The following OMD variants were observed in gnomAD, a reference collection of about 807,000 sequenced individuals.
OMD encodes the protein osteomodulin.
Under a neutral mutation model 31.2 loss-of-function variants are expected in OMD, and 19 were observed. The ratio of observed to expected loss-of-function variants is 0.61; its 90% CI spans 0.42 to 0.89. OMD has a LOEUF of 0.89. Among genes scored for constraint, OMD ranks in the 40% least tolerant of loss-of-function variants. The pLI, the probability that OMD is intolerant of heterozygous loss-of-function variation, is 0.00. For missense variants in OMD, 448 were observed against 490.8 expected (o/e 0.91, Z 0.82); for synonymous variants, 155 against 166.4 (o/e 0.93, Z 0.53).
Position 92,417,139 on chromosome 9 carries a change from A to T in OMD, c.420T>A (p.Leu140=). Reference sequence around the variant, plus strand: ...CTAGATGAAGTTGTAGTAGATTTGGAAGCTTAGCAAACACACCATAATCAA... The same window carrying T: ...CTAGATGAAGTTGTAGTAGATTTGGTAGCTTAGCAAACACACCATAATCAA... The part of the protein sequence containing the change: ...QKIDYGVFAK[L]PNLLQLHLEH... Residue 140 remains leucine (L), a synonymous_variant, in exon 2 of 3, where the codon CTT becomes CTA. Coordinates refer to ENST00000375550, the MANE Select transcript of OMD (RefSeq NM_005014.3). 6.2e-7 allele frequency: 1 copy of T among 1,613,816 alleles called. No individual in the cohort carries two copies. Among genetic ancestry groups the T allele is most frequent in the Admixed American group, 1.7e-5 (1 of 60,016 alleles).
chr9:92,415,457 A>G lies in OMD; in HGVS notation c.961T>C (p.Cys321Arg). ...TAATGTAGTGGGTCAATAGAAGGAC[A>G]CATCACTGTAAGATTCATCTCTGAA... ...EIEKMNLTVM[C>R]PSIDPLHYHH... The change falls in exon 3 of 3, where the codon TGT (cysteine) becomes CGT (arginine). Residue 321 changes from cysteine (C) to arginine (R), a missense_variant. Coordinates refer to ENST00000375550, the MANE Select transcript of OMD (RefSeq NM_005014.3). The G allele has an allele frequency of 6.2e-7, 1 of 1,605,232 alleles. No homozygotes were observed. The highest frequency in any genetic ancestry group is 1.7e-4 in the Middle Eastern group (1 of 5,988).
chr9:92,419,316 T>C (rs1343961781), intron 1 of OMD, among the ~76,000 whole-genome samples: 7 of 150,482 alleles, frequency 4.7e-5, no homozygotes, highest in Admixed American at 6.6e-5. Context: ...TTTTTTTTTT[T>C]TTGAGATGGA....
rs767729988 is a variant in OMD at position 92,415,202 on chromosome 9, C to G, written c.1216G>C (p.Glu406Gln). The G allele has an allele frequency of 1.9e-5, 31 of 1,613,672 alleles. No homozygotes were observed. Among genetic ancestry groups the G allele is most frequent in the Non-Finnish European group, 8.5e-7 (1 of 1,179,846 alleles). Residue 406 changes from glutamate to glutamine, a missense_variant, in exon 3 of 3, where the codon GAA becomes CAA. Coordinates refer to ENST00000375550, the MANE Select transcript of OMD (RefSeq NM_005014.3). Reference sequence around the variant, plus strand: ...AGGTCAAAGTGCCCTTCTGCTCCTTCTTGTTCTGGGCTCTCATGAGCATTG... The same window carrying G: ...AGGTCAAAGTGCCCTTCTGCTCCTTGTTGTTCTGGGCTCTCATGAGCATTG... The part of the protein sequence containing the change: ...PDNAHESPEQ[E>Q]GAEGHFDLHY...
Position 92,416,935 on chromosome 9 carries a change from A to C in OMD, c.624T>G (p.Phe208Leu). The C allele has an allele frequency of 6.2e-7, 1 of 1,614,006 alleles. No homozygotes were observed. The highest frequency in any genetic ancestry group is 8.5e-7 in the Non-Finnish European group (1 of 1,179,978). Reference sequence around the variant, plus strand: ...GCTGCATTAGTTTTTCCATTTTGGCAAAGATTTTGTCTTTTAGCAGAGAAT... The same window carrying C: ...GCTGCATTAGTTTTTCCATTTTGGCCAAGATTTTGTCTTTTAGCAGAGAAT... ...LHDSLLKDKI[F>L]AKMEKLMQLN... The change falls in exon 2 of 3, where the codon TTT becomes TTG. Residue 208 changes from phenylalanine (F) to leucine (L), a missense_variant. Transcript: ENST00000375550.
Position 92,415,849 on chromosome 9 carries a change from AT to A in OMD, c.941-373del, listed in dbSNP as rs953431577. On this transcript the variant is annotated intron_variant, in intron 2 of 2. Transcript: ENST00000375550. Reference sequence around the variant, plus strand: ...ACAATTTATACATATATATAAAAAAATATATATATATAAAATTATATATTTC... The same window carrying A: ...ACAATTTATACATATATATAAAAAAAATATATATATAAAATTATATATTTC... 6.8e-4 allele frequency among the ~76,000 whole-genome samples: 99 copies of A among 146,042 alleles called. 1 individual carries two copies. Among genetic ancestry groups the A allele is most frequent in the East Asian group, 3.7e-3 (19 of 5,088 alleles).
rs1245539893 is a variant in OMD at position 92,417,717 on chromosome 9, C to T, written c.-16-143G>A. ...CCAGAAAGAATGGGCAGTGCTCAAA[C>T]CAAAATTTTTTTCTTTTTTTGTGAC... is the stretch of plus-strand genomic sequence containing the variant. On this transcript the variant is annotated intron_variant, in intron 1 of 2. Transcript: ENST00000375550. 4 of 534,010 alleles carry T rather than the reference C, an allele frequency of 7.5e-6. No homozygotes were observed. The Admixed American group carries it at 1.1e-4, about 15-fold the overall frequency. The allele number at this position is 534,010 out of a possible 1,614,324, so 33.1% of individuals were successfully genotyped here. A position where few individuals can be genotyped will look rare whatever the true frequency, so the allele number is the denominator to read the frequency against.
rs1170891004 is a variant in OMD, at chr9:92,417,440, T to C, written c.119A>G (p.Gln40Arg). The C allele has an allele frequency of 6.2e-7, 1 of 1,613,978 alleles. No individual in the cohort carries two copies. The highest frequency in any genetic ancestry group is 8.5e-7 in the Non-Finnish European group (1 of 1,179,980). The change falls in exon 2 of 3, where the codon CAA becomes CGA. Residue 40 changes from glutamine (Q) to arginine (R), a missense_variant. Coordinates refer to ENST00000375550, the MANE Select transcript of OMD (RefSeq NM_005014.3). ...ATTTTGACGAAATGGGAATCCTGTT[T>C]GGTAATCATCATCTGGCTCTTGGTC... ...DYDQEPDDDY[Q>R]TGFPFRQNVD... is the part of the protein sequence containing the mutation.
At chr9:92,418,821 A>C (rs1843697451) in intron 1 of OMD, among the ~76,000 whole-genome samples, 1 of 152,160 alleles carries the variant, frequency 6.6e-6, no homozygotes, top group Non-Finnish European at 1.5e-5. Flanking sequence ...TTTCCTCATG[A>C]AACAGTTTCC....
chr9:92,418,694 T>C (rs1243962410), intron 1 of OMD, among the ~76,000 whole-genome samples: 5 of 152,210 alleles, frequency 3.3e-5, no homozygotes, highest in Admixed American at 6.5e-5. Flanking sequence ...GATACCTTTT[T>C]CTGCCCTTCA....
At position 92,415,564 on chromosome 9, in the gene OMD, T is replaced by A. The variant is rs976771626; in HGVS notation, c.941-87A>T. On this transcript the variant is annotated intron_variant, in intron 2 of 2. Transcript: ENST00000375550. The stretch of plus-strand genomic sequence containing the variant: ...ATTCTATGTTAGATTTTATATTGTA[T>A]GGGATATAATTCTGTTAATTAAAAT... 5.0e-6 allele frequency: 3 copies of A among 594,148 alleles called. 1 individual carries two copies. The South Asian group carries it at 1.5e-4, about 30-fold the overall frequency. 36.8% of individuals were successfully genotyped at this position (594,148 alleles called of 1,614,324 possible). A position where few individuals can be genotyped will look rare whatever the true frequency, so the allele number is the denominator to read the frequency against.
rs774227062 is a variant in OMD at position 92,416,748 on chromosome 9, C to A, written c.811G>T (p.Asp271Tyr). The A allele has an allele frequency of 1.9e-6, 3 of 1,613,478 alleles. No individual in the cohort carries two copies. ...TLRMSHNKLQ[D>Y]IPYNIFNLPN... ...AGATTAAAAATATTATATGGGATGT[C>A]TTGTAGTTTGTTGTGTGACATTCTT... is the stretch of plus-strand genomic sequence containing the variant. Residue 271 changes from aspartate (D) to tyrosine (Y), a missense_variant, in exon 2 of 3, where the codon GAC (aspartate) becomes TAC (tyrosine). Coordinates refer to ENST00000375550, the MANE Select transcript of OMD (RefSeq NM_005014.3).
At position 92,416,058 on chromosome 9, in the gene OMD, G is replaced by GTGTGTGTATATATATATA. The variant is rs6151074; in HGVS notation, c.940+560_940+561insTATATATATATACACACA. Among the ~76,000 whole-genome samples the GTGTGTGTATATATATATA allele has an allele frequency of 2.1e-4, 28 of 130,904 alleles. No homozygotes were observed. In the South Asian group the frequency reaches 2.3e-3, roughly 11 times the overall value. 85.9% of individuals were successfully genotyped at this position (130,904 alleles called of 152,430 possible). ...ATAAATAAATATATTATATATGTGT[G>GTGTGTGTATATATATATA]TATATATATATATTTATTTATTTAT... On this transcript the variant is annotated intron_variant, in intron 2 of 2. Coordinates refer to ENST00000375550, the MANE Select transcript of OMD (RefSeq NM_005014.3).
At chr9:92,421,979 T>A (rs1427579518) in intron 1 of OMD, among the ~76,000 whole-genome samples, 1 of 152,158 alleles carries the variant, frequency 6.6e-6, no homozygotes, top group Non-Finnish European at 1.5e-5. Context: ...ATTCTATACA[T>A]TTTATACTCA....
rs182724023 is a variant in OMD at position 92,413,118 on chromosome 9, G to A, written c.*2034C>T. On this transcript the variant is annotated 3_prime_UTR_variant, in exon 3 of 3. Transcript: ENST00000375550. ...TCCTGCCTCAGCCTCGCAAGTAGCCGGGATTACAGGCATGTGCCACCATGC... is the reference window on the plus strand; with the variant it reads ...TCCTGCCTCAGCCTCGCAAGTAGCCAGGATTACAGGCATGTGCCACCATGC... Among the ~76,000 whole-genome samples the A allele has an allele frequency of 6.0e-5, 9 of 151,172 alleles. No individual in the cohort carries two copies. The highest frequency in any genetic ancestry group is 2.0e-4 in the Admixed American group (3 of 15,124).
chr9:92,418,385 C>T (rs1843685639), intron 1 of OMD, among the ~76,000 whole-genome samples: 1 of 151,652 alleles, frequency 6.6e-6, no homozygotes, highest in African/African-American at 2.4e-5. Flanking sequence ...CTGCGCCTGG[C>T]CGAGATTTTT....
chr9:92,417,686 G>A (rs1194046336), intron 1 of OMD, 112 bp from the exon 2 acceptor site: 4 of 641,156 alleles, frequency 6.2e-6, no homozygotes, highest in Non-Finnish European at 9.8e-6. Context: ...ATATATAAAA[G>A]AATATCCAGA....
chr9:92,418,949 T>G (rs1843701816), intron 1 of OMD, among the ~76,000 whole-genome samples: 1 of 152,174 alleles, frequency 6.6e-6, no homozygotes, highest in Non-Finnish European at 1.5e-5. Context: ...CTAGCTTCCT[T>G]TTTTCCATTA....
At position 92,416,814 on chromosome 9, in the gene OMD, G is replaced by A. The variant is rs574387948; in HGVS notation, c.745C>T (p.Pro249Ser). 3.1e-6 allele frequency: 5 copies of A among 1,613,810 alleles called. No individual in the cohort carries two copies. The South Asian group carries it at 5.5e-5, about 18-fold the overall frequency. Residue 249 changes from proline (P) to serine (S), a missense_variant, in exon 2 of 3, where the codon CCC becomes TCC. Pro to Ser is a moderately conservative substitution (Grantham distance 74). Transcript: ENST00000375550. ...SLENNSISSI[P>S]EKYFDKLPKL... is the part of the protein sequence containing the mutation. Reference sequence around the variant, plus strand: ...GGAAGTTTGTCGAAGTATTTTTCGGGTATAGAAGAAATTGAATTATTTTCT... The same window carrying A: ...GGAAGTTTGTCGAAGTATTTTTCGGATATAGAAGAAATTGAATTATTTTCT...
At position 92,416,863 on chromosome 9, in the gene OMD, A is replaced by AGGC. The variant is rs1843629714; in HGVS notation, c.693_695dup (p.Pro232dup). On this transcript the variant is annotated inframe_insertion, in exon 2 of 3. Transcript: ENST00000375550. ...CTAAAGACAGATACATAAGTGAAGA[A>AGGC]GGCAAACCAGGAGGCATTGATTCTA... is the stretch of plus-strand genomic sequence containing the variant. 3 of 1,613,872 alleles carry AGGC rather than the reference A, an allele frequency of 1.9e-6. No individual in the cohort carries two copies. The highest frequency in any genetic ancestry group is 2.5e-6 in the Non-Finnish European group (3 of 1,179,932).
Sources: gnomAD v4.1 joint callset for allele counts (sites outside exome capture counted in the v4.1 genomes callset) on GRCh38, gnomAD v4.1.1 for gene constraint, MANE v1.5 for transcripts, NCBI Gene and HGNC (gene_info 2026-07-23, HGNC 2026-07-21) for gene names.